The following POU6F2 variants were observed in gnomAD, a reference collection of about 807,000 sequenced individuals.
POU6F2 encodes the protein POU domain, class 6, transcription factor 2.
Under a neutral mutation model 71.3 loss-of-function variants are expected in POU6F2, and 31 were observed. That is an observed-to-expected ratio of 0.43 (90% confidence interval 0.33 to 0.59). The LOEUF (loss-of-function observed/expected upper bound fraction) is 0.59, where lower values mean the gene tolerates loss of function less well. POU6F2 is among the 20% of genes least tolerant of loss of function. The pLI, the probability that POU6F2 is intolerant of heterozygous loss-of-function variation, is 0.04. For synonymous variants in POU6F2, 347 were observed against 355.7 expected, an observed-to-expected ratio of 0.98 and a Z score of 0.27; for missense variants, 783 against 856.8, an observed-to-expected ratio of 0.91 and a Z score of 1.07.
At chr7:38,985,166 G>A (rs1329832567) in intron 1 of POU6F2, among the ~76,000 whole-genome samples, 1 of 152,100 alleles carries the variant, frequency 6.6e-6, no homozygotes, top group Non-Finnish European at 1.5e-5. Context: ...GAATGGAGCT[G>A]GACACACAAT....
chr7:38,984,290 T>G (rs1171258953), intron 1 of POU6F2: 1 of 152,184 alleles, frequency 6.6e-6, no homozygotes, highest in Non-Finnish European at 1.5e-5. Flanking sequence ...GTTCTCCTTC[T>G]TCACTGCCAT....
chr7:39,021,032 G>T (rs1789669972), intron 1 of POU6F2, among the ~76,000 whole-genome samples: 1 of 150,640 alleles, frequency 6.6e-6, no homozygotes, highest in African/African-American at 2.4e-5. Flanking sequence ...CTCAATTTTG[G>T]ATCCATTGTC....
intron 7 of POU6F2, among the ~76,000 whole-genome samples, chr7:39,443,279 T>C (rs1366643316): frequency 1.3e-5 from 2 of 152,162 alleles, no homozygotes; most frequent in Non-Finnish European, 2.9e-5. Flanking sequence ...CCAATCAACA[T>C]GTCAGCTACA....
intron 2 of POU6F2, among the ~76,000 whole-genome samples, chr7:39,143,760 T>C (rs1228609204): frequency 2.0e-5 from 3 of 151,960 alleles, no homozygotes; most frequent in African/African-American, 7.3e-5. Context: ...TGGGCTGGGG[T>C]GAGGGTAAAA....
rs1562670276 is a variant in POU6F2, at chr7:39,015,602, ATG to A, written c.105+37546_105+37547del. ...ATCTATGTTTTATATAGATATATCT[ATG>A]TTTTATATAGATCTACATTATAGAT... On this transcript the variant is annotated intron_variant, in intron 1 of 9. Coordinates refer to ENST00000518318, the MANE Select transcript of POU6F2 (RefSeq NM_001370959.1). 7.4e-3 allele frequency among the ~76,000 whole-genome samples: 419 copies of A among 56,926 alleles called. 1 individual carries two copies. The highest frequency in any genetic ancestry group is 0.01 in the Non-Finnish European group (281 of 27,526). The allele number at this position is 56,926 out of a possible 152,430, so 37.3% of individuals were successfully genotyped here. A position where few individuals can be genotyped will look rare whatever the true frequency, so the allele number is the denominator to read the frequency against.
At chr7:39,005,816 A>G (rs1156564482) in intron 1 of POU6F2, among the ~76,000 whole-genome samples, 3 of 152,102 alleles carry the variant, frequency 2.0e-5, no homozygotes, top group Non-Finnish European at 2.9e-5. Context: ...GATCTAACAG[A>G]TCTCTGCAAG....
At chr7:39,096,831 G>A (rs898689028) in intron 2 of POU6F2, among the ~76,000 whole-genome samples, 2 of 152,166 alleles carry the variant, frequency 1.3e-5, no homozygotes, top group African/African-American at 2.4e-5. Context: ...TGAACGTTTA[G>A]CAAGTGAACA....
intron 4 of POU6F2, among the ~76,000 whole-genome samples, chr7:39,323,523 G>A (rs1785442444): frequency 6.6e-6 from 1 of 152,074 alleles, no homozygotes; most frequent in Non-Finnish European, 1.5e-5. Context: ...TTCTACCTCT[G>A]GACTAGAAGT....
chr7:39,441,826 A>G (rs1339203326), intron 7 of POU6F2, among the ~76,000 whole-genome samples: 3 of 152,198 alleles, frequency 2.0e-5, no homozygotes, highest in African/African-American at 7.2e-5. Context: ...TGGAGTGTAC[A>G]CTAACAAAAG....
At chr7:39,241,394 T>G (rs11505525) in intron 4 of POU6F2, among the ~76,000 whole-genome samples, 1 of 152,104 alleles carries the variant, frequency 6.6e-6, no homozygotes, top group Non-Finnish European at 1.5e-5. Flanking sequence ...GATGTTAAAA[T>G]GCCAAATGGA....
intron 2 of POU6F2, among the ~76,000 whole-genome samples, chr7:39,086,861 A>T (rs1387832121): frequency 6.6e-6 from 1 of 152,138 alleles, no homozygotes; most frequent in African/African-American, 2.4e-5. Context: ...ATGTTAATGG[A>T]TGTCTCTGCT....
chr7:39,064,239 CTT>C (rs1156309434), intron 1 of POU6F2, among the ~76,000 whole-genome samples: 1 of 151,624 alleles, frequency 6.6e-6, no homozygotes, highest in Non-Finnish European at 1.5e-5. Context: ...GTATTAAAGA[CTT>C]AGAATGAGAT....
intron 4 of POU6F2, among the ~76,000 whole-genome samples, chr7:39,289,419 T>G (rs1784707606): frequency 6.6e-6 from 1 of 152,260 alleles, no homozygotes; most frequent in Non-Finnish European, 1.5e-5. Context: ...AAGCCAAGTT[T>G]TGCTGATCTT....
chr7:39,387,323 C>T (rs1034180787), intron 5 of POU6F2, among the ~76,000 whole-genome samples: 20 of 152,204 alleles, frequency 1.3e-4, no homozygotes, highest in Non-Finnish European at 2.4e-4. Flanking sequence ...TCATAGTTTT[C>T]CCCTCCTAAG....
chr7:39,253,113 GAAAGAACCCACGCAGAGGC>G (rs1195454451), intron 4 of POU6F2, among the ~76,000 whole-genome samples: 1 of 152,190 alleles, frequency 6.6e-6, no homozygotes, highest in Non-Finnish European at 1.5e-5. Context: ...CAGCACAGAG[GAAAGAACCCACGCAGAGGC>G]AGAAATATTT....
At chr7:39,225,970 T>G (rs907280626) in intron 4 of POU6F2, among the ~76,000 whole-genome samples, 34 of 150,268 alleles carry the variant, frequency 2.3e-4, no homozygotes, top group East Asian at 5.9e-4. Context: ...AAAAAAAGGT[T>G]GTTTTTTTTT....
intron 4 of POU6F2, among the ~76,000 whole-genome samples, chr7:39,233,543 C>T (rs1191484868): frequency 1.3e-5 from 2 of 152,146 alleles, no homozygotes; most frequent in African/African-American, 4.8e-5. Flanking sequence ...TCCCTCCCAG[C>T]ACATAGGAGG....
intron 4 of POU6F2, among the ~76,000 whole-genome samples, chr7:39,261,714 T>C (rs771572330): frequency 3.2e-4 from 49 of 152,350 alleles, no homozygotes; most frequent in Non-Finnish European, 7.3e-5. Flanking sequence ...AAAATGGACC[T>C]CATAATTTCT....
chr7:39,208,669 T>C (rs1794073790), intron 4 of POU6F2, among the ~76,000 whole-genome samples: 1 of 152,202 alleles, frequency 6.6e-6, no homozygotes, highest in Non-Finnish European at 1.5e-5. Context: ...TCCATTTTGA[T>C]GTTTAAAACG....
Sources: allele counts gnomAD v4.1 joint callset (sites outside exome capture counted in the v4.1 genomes callset), GRCh38; gene constraint gnomAD v4.1.1; transcripts MANE v1.5; gene names NCBI Gene and HGNC (gene_info 2026-07-23, HGNC 2026-07-21).